Variants in RAPH1 observed in about 807,000 individuals in gnomAD.
The protein encoded by RAPH1 is Ras association (RalGDS/AF-6) and pleckstrin homology domains 1.
Under a neutral mutation model 88.1 loss-of-function variants are expected in RAPH1, and 18 were observed. That is an observed-to-expected ratio of 0.20 (90% CI 0.14 to 0.30). RAPH1 has a LOEUF of 0.30. RAPH1 is among the 10% of genes least tolerant of loss of function. The probability of loss-of-function intolerance (pLI) is 1.00; values close to 1 mark genes in which losing one functional copy is unlikely to be tolerated. For synonymous variants in RAPH1, 587 were observed against 559.0 expected, an observed-to-expected ratio of 1.05 and a Z score of -0.71; for missense variants, 1,448 against 1,543.2, an observed-to-expected ratio of 0.94 and a Z score of 1.03.
chr2:203,439,582 G>A lies in RAPH1; in HGVS notation c.3608C>T (p.Pro1203Leu). Residue 1203 changes from proline (P) to leucine (L), a missense_variant, in exon 14 of 14, where the codon CCT (proline) becomes CTT (leucine). By Grantham distance (98) the Pro-to-Leu change is moderately conservative. Coordinates refer to ENST00000319170, the MANE Select transcript of RAPH1 (RefSeq NM_213589.3). ...PTATMDDMAL[P>L]PPPPELLSDQ... ...AGACAGCAGTTCAGGGGGTGGTGGA[G>A]GCAATGCCATATCATCCATGGTGGC... is the stretch of plus-strand genomic sequence containing the variant. The A allele has an allele frequency of 6.2e-7, 1 of 1,614,120 alleles. No homozygotes were observed. The highest frequency in any genetic ancestry group is 8.5e-7 in the Non-Finnish European group (1 of 1,180,006).
rs376030311 is a variant in RAPH1, at chr2:203,507,057, C to T, written c.1-11704G>A. 6.6e-4 allele frequency among the ~76,000 whole-genome samples: 99 copies of T among 150,056 alleles called. 1 individual carries two copies. Among genetic ancestry groups the T allele is most frequent in the Middle Eastern group, 3.5e-3 (1 of 288 alleles). On this transcript the variant is annotated intron_variant, in intron 1 of 13. Transcript: ENST00000319170. ...GATTACAGGCGCCTGCCACCACACC[C>T]GGCTAATTTTTTTATTTTTAGTAGA...
chr2:203,454,486 C>T lies in RAPH1; in HGVS notation c.1357G>A (p.Gly453Ser), dbSNP rs1220656178. ...TTGTATTTGTTCCGATAGTCCTGGC[C>T]ATAATAAACGTTGACATGATCCAGC... ...LQLDHVNVYY[G>S]QDYRNKYKAP... Residue 453 changes from glycine to serine, a missense_variant, in exon 10 of 14, where the codon GGC (glycine) becomes AGC (serine). By Grantham distance (56) the Gly-to-Ser change is moderately conservative (BLOSUM62 0). This residue lies in a region of RAPH1 where 513 missense variants were observed against 653.1 expected (regional missense o/e 0.79). Coordinates refer to ENST00000319170, the MANE Select transcript of RAPH1 (RefSeq NM_213589.3). 2 of 1,613,640 alleles carry T rather than the reference C, an allele frequency of 1.2e-6. No individual in the cohort carries two copies. Among genetic ancestry groups the T allele is most frequent in the East Asian group, 2.2e-5 (1 of 44,870 alleles).
chr2:203,523,357 C>A (rs1291195390), intron 1 of RAPH1, among the ~76,000 whole-genome samples: 2 of 149,712 alleles, frequency 1.3e-5, no homozygotes, highest in East Asian at 4.0e-4. Flanking sequence ...TGTGCCACTG[C>A]ACTCTGGCCT....
chr2:203,527,139 T>C (rs557593367), intron 1 of RAPH1, among the ~76,000 whole-genome samples: 104 of 152,358 alleles, frequency 6.8e-4, no homozygotes, highest in Non-Finnish European at 1.2e-3. Flanking sequence ...CCTCCATTTA[T>C]ACCCCAGGAT....
At chr2:203,516,056 A>AAT (rs1346764224) in intron 1 of RAPH1, among the ~76,000 whole-genome samples, 1 of 152,284 alleles carries the variant, frequency 6.6e-6, no homozygotes, top group African/African-American at 2.4e-5. Flanking sequence ...ATGTATAGAT[A>AAT]ATATATATAT....
In RAPH1 at chr2:203,440,219, C is replaced by G; in HGVS notation, c.2971G>C (p.Glu991Gln). ...IKSSSGAEHP[E>Q]PKRPSVDSLV... ...CTGTCCACCGAGGGTCTCTTGGGCT[C>G]GGGGTGCTCTGCACCACTGCTGGAT... The change falls in exon 14 of 14, where the codon GAG becomes CAG. Residue 991 changes from glutamate (E) to glutamine (Q), a missense_variant. Around this residue, in one of 2 missense-constraint regions of RAPH1, gnomAD observed 935 missense variants for 890.1 expected, o/e 1.05. Coordinates refer to ENST00000319170, the MANE Select transcript of RAPH1 (RefSeq NM_213589.3). 3 of 1,613,910 alleles carry G rather than the reference C, an allele frequency of 1.9e-6. No individual in the cohort carries two copies. Among genetic ancestry groups the G allele is most frequent in the Non-Finnish European group, 2.5e-6 (3 of 1,179,990 alleles).
chr2:203,495,342 T>A lies in RAPH1; in HGVS notation c.12A>T (p.Leu4=). The A allele has an allele frequency of 1.2e-6, 2 of 1,614,016 alleles. No homozygotes were observed. The highest frequency in any genetic ancestry group is 1.7e-6 in the Non-Finnish European group (2 of 1,179,988). MEQ[L]SDEEIDHGAE... ...CACCATGATCAATTTCTTCATCTGA[T>A]AGCTGCTCCATCTGAAATACAGACA... Residue 4 remains leucine (L), a synonymous_variant, in exon 2 of 14, where the codon CTA becomes CTT. Coordinates refer to ENST00000319170, the MANE Select transcript of RAPH1 (RefSeq NM_213589.3).
rs762604482 is a variant in RAPH1 at position 203,442,131 on chromosome 2, A to G, written c.1777-718T>C. On this transcript the variant is annotated intron_variant, in intron 13 of 13. Transcript: ENST00000319170. ...TGTAAACATTATAGCAAAAGACTGT[A>G]AAAATATCATACAGAAAAAGCCAGA... 3 of 1,534,098 alleles carry G rather than the reference A, an allele frequency of 2.0e-6. No individual in the cohort carries two copies. The East Asian group carries it at 7.2e-5, about 37-fold the overall frequency.
At chr2:203,441,481 G>A in intron 13 of RAPH1, 68 bp from the exon 14 acceptor site, 18 of 1,461,114 alleles carry the variant, frequency 1.2e-5, no homozygotes, top group Non-Finnish European at 1.6e-5. Flanking sequence ...ACAGAGGTAA[G>A]CTTTGATTGT....
At chr2:203,502,733 T>C (rs566477748) in intron 1 of RAPH1, among the ~76,000 whole-genome samples, 1 of 149,044 alleles carries the variant, frequency 6.7e-6, no homozygotes, top group Non-Finnish European at 1.5e-5. Context: ...GGCAGAAGAA[T>C]GGCGTGAACC....
intron 4 of RAPH1, among the ~76,000 whole-genome samples, chr2:203,466,370 T>C (rs1275941874): frequency 6.6e-6 from 1 of 152,186 alleles, no homozygotes; most frequent in African/African-American, 2.4e-5. Context: ...ATTTAAGCAA[T>C]CACCATATCT....
At chr2:203,492,192 C>G (rs1196315022) in intron 2 of RAPH1, among the ~76,000 whole-genome samples, 1 of 150,826 alleles carries the variant, frequency 6.6e-6, no homozygotes, top group Non-Finnish European at 1.5e-5. Flanking sequence ...CGAGATCACG[C>G]CACTGCACTC....
chr2:203,480,134 A>G (rs551593172), intron 4 of RAPH1, among the ~76,000 whole-genome samples: 2 of 152,382 alleles, frequency 1.3e-5, no homozygotes, highest in South Asian at 4.1e-4. Context: ...AACTCACCAC[A>G]AATCTCTGCA....
chr2:203,530,565 A>G (rs1690344398), intron 1 of RAPH1, among the ~76,000 whole-genome samples: 1 of 152,168 alleles, frequency 6.6e-6, no homozygotes, highest in Non-Finnish European at 1.5e-5. Context: ...TTAGCCACGT[A>G]TAACCATGTA....
chr2:203,505,450 G>A lies in RAPH1; in HGVS notation c.1-10097C>T, dbSNP rs922835285. On this transcript the variant is annotated intron_variant, in intron 1 of 13. Transcript: ENST00000319170. ...CCGCCATGATTAAATTACCCCCCCC[G>A]GGTCCCTCCCACAACACAGAGGAAT... 6.1e-4 allele frequency among the ~76,000 whole-genome samples: 86 copies of A among 140,576 alleles called. 6 individuals carry two copies. The highest frequency in any genetic ancestry group is 7.1e-5 in the Admixed American group (1 of 14,044). 92.2% of individuals were successfully genotyped at this position (140,576 alleles called of 152,430 possible).
chr2:203,505,250 C>T (rs1366072429), intron 1 of RAPH1, among the ~76,000 whole-genome samples: 1 of 152,168 alleles, frequency 6.6e-6, no homozygotes, highest in Non-Finnish European at 1.5e-5. Flanking sequence ...TTTAATTGGA[C>T]TCACAGTTCC....
intron 13 of RAPH1, 146 bp downstream of exon 13, chr2:203,444,722 C>T (rs2098507906): frequency 1.5e-6 from 1 of 674,612 alleles, no homozygotes; most frequent in Non-Finnish European, 2.5e-6. Context: ...ACTGTCTTTA[C>T]CCACTACAAT....
At chr2:203,496,026 T>C (rs1185939289) in intron 1 of RAPH1, among the ~76,000 whole-genome samples, 2 of 152,130 alleles carry the variant, frequency 1.3e-5, no homozygotes, top group Non-Finnish European at 2.9e-5. Context: ...CAAATATAAG[T>C]CCCTTGAAAG....
Position 203,440,747 on chromosome 2 carries a change from T to C in RAPH1, c.2443A>G (p.Lys815Glu), listed in dbSNP as rs2153633170. 1.2e-6 allele frequency: 2 copies of C among 1,609,846 alleles called. No homozygotes were observed. The highest frequency in any genetic ancestry group is 4.5e-5 in the East Asian group (2 of 44,752). Residue 815 changes from lysine (K) to glutamate (E), a missense_variant, in exon 14 of 14, where the codon AAG (lysine) becomes GAG (glutamate). Coordinates refer to ENST00000319170, the MANE Select transcript of RAPH1 (RefSeq NM_213589.3). ...TPTPPVPPAK[K>E]QPAFPASYIP... ...TAAGAAGCAGGGAAAGCTGGCTGCT[T>C]TTTTGCTGGGGGCACTGGAGGAGTA...
Sources: allele counts gnomAD v4.1 joint callset (sites outside exome capture counted in the v4.1 genomes callset), GRCh38; gene constraint gnomAD v4.1.1; regional missense constraint gnomAD v4.1.1; transcripts MANE v1.5; gene names NCBI Gene and HGNC (gene_info 2026-07-23, HGNC 2026-07-21).